SOX5: variants seen among roughly 807,000 people sequenced by gnomAD.
The protein encoded by SOX5 is transcription factor SOX-5.
In SOX5, 9 loss-of-function variants were observed where a neutral mutation model predicts 92.0. The ratio of observed to expected loss-of-function variants is 0.10; its 90% confidence interval spans 0.06 to 0.17. SOX5 has a LOEUF of 0.17. SOX5 is among the 10% of genes least tolerant of loss of function. SOX5 has a pLI of 1.00. For synonymous variants in SOX5, 344 were observed against 336.3 expected (o/e 1.02, Z -0.25); for missense variants, 642 against 944.5 (o/e 0.68, Z 4.20).
chr12:24,464,600 C>A (rs2137535597), intron 1 of SOX5, among the ~76,000 whole-genome samples: 1 of 152,306 alleles, frequency 6.6e-6, no homozygotes, highest in African/African-American at 2.4e-5. Flanking sequence ...CTCGGCCTCC[C>A]AAAGTGCTGG....
At chr12:23,737,638 G>T (rs1355346314) in intron 5 of SOX5, among the ~76,000 whole-genome samples, 1 of 152,088 alleles carries the variant, frequency 6.6e-6, no homozygotes, top group African/African-American at 2.4e-5. Flanking sequence ...ATGCCTGCAA[G>T]GCCCTATATG....
chr12:23,661,741 G>GACT (rs1468796359), intron 7 of SOX5, among the ~76,000 whole-genome samples: 1 of 152,148 alleles, frequency 6.6e-6, no homozygotes, highest in Non-Finnish European at 1.5e-5. Flanking sequence ...GGAGCAAATG[G>GACT]ACTGTGTTCT....
chr12:24,545,754 A>T (rs1354528556), intron 1 of SOX5, among the ~76,000 whole-genome samples: 2 of 152,170 alleles, frequency 1.3e-5, no homozygotes, highest in Non-Finnish European at 2.9e-5. Context: ...GGAAGCTCCC[A>T]GTTCAGTCCC....
intron 1 of SOX5, among the ~76,000 whole-genome samples, chr12:24,474,920 G>A (rs1945199769): frequency 6.6e-6 from 1 of 151,838 alleles, no homozygotes; most frequent in South Asian, 2.1e-4. Context: ...CTCCATCTCA[G>A]CTCACTGCAA....
At chr12:24,524,479 A>T (rs1950534400) in intron 1 of SOX5, among the ~76,000 whole-genome samples, 2 of 152,056 alleles carry the variant, frequency 1.3e-5, no homozygotes, top group Non-Finnish European at 1.5e-5. Context: ...AGAGGTGAAT[A>T]TCTGAAATAT....
At chr12:23,986,192 T>G (rs1950043014) in intron 4 of SOX5, among the ~76,000 whole-genome samples, 1 of 152,174 alleles carries the variant, frequency 6.6e-6, no homozygotes, top group South Asian at 2.1e-4. Context: ...CCAAAGACAT[T>G]ATCAGAGTAA....
chr12:23,881,154 T>C (rs1439254623), intron 2 of SOX5, among the ~76,000 whole-genome samples: 1 of 152,114 alleles, frequency 6.6e-6, no homozygotes, highest in East Asian at 1.9e-4. Flanking sequence ...TGTGCTGCCA[T>C]GTTAATTTAG....
At chr12:23,702,734 CAA>C (rs770056446) in intron 6 of SOX5, among the ~76,000 whole-genome samples, 2 of 151,190 alleles carry the variant, frequency 1.3e-5, no homozygotes, top group Non-Finnish European at 3.0e-5. Flanking sequence ...AGAAATGAAC[CAA>C]AAAGAGAAAC....
intron 3 of SOX5, among the ~76,000 whole-genome samples, chr12:24,218,529 A>G (rs1211315903): frequency 6.6e-6 from 1 of 152,152 alleles, no homozygotes; most frequent in Non-Finnish European, 1.5e-5. Context: ...TCTTTTTGTC[A>G]GATGGAAATA....
intron 8 of SOX5, among the ~76,000 whole-genome samples, chr12:23,622,200 G>A (rs1418452698): frequency 6.6e-6 from 1 of 151,990 alleles, no homozygotes; most frequent in Admixed American, 6.6e-5. Context: ...GTTTTAAAAG[G>A]TTACAGCTGC....
chr12:24,332,880 T>C (rs1385545089), intron 2 of SOX5, among the ~76,000 whole-genome samples: 2 of 151,914 alleles, frequency 1.3e-5, no homozygotes, highest in Non-Finnish European at 1.5e-5. Flanking sequence ...ATACAGAAAA[T>C]AAACATTGTA....
chr12:23,923,360 T>C (rs979266250), intron 1 of SOX5, among the ~76,000 whole-genome samples: 1 of 151,916 alleles, frequency 6.6e-6, no homozygotes, highest in Middle Eastern at 3.4e-3. Context: ...AAGCTAATAA[T>C]TAAAAGAAAT....
chr12:24,538,811 A>C (rs1222344290), intron 1 of SOX5, among the ~76,000 whole-genome samples: 1 of 152,228 alleles, frequency 6.6e-6, no homozygotes, highest in Non-Finnish European at 1.5e-5. Context: ...GGTTAGCAGT[A>C]CTATGACATA....
intron 6 of SOX5, among the ~76,000 whole-genome samples, chr12:23,697,739 G>C (rs1224777134): frequency 6.6e-6 from 1 of 151,816 alleles, no homozygotes; most frequent in African/African-American, 2.4e-5. Context: ...TTAGTAGAGA[G>C]GGGGTTTCAT....
At chr12:24,012,333 C>T (rs1212212221) in intron 4 of SOX5, among the ~76,000 whole-genome samples, 3 of 152,092 alleles carry the variant, frequency 2.0e-5, no homozygotes, top group Non-Finnish European at 4.4e-5. Flanking sequence ...ACAAAGGTAA[C>T]TTACATCAGA....
At chr12:23,816,305 G>A (rs1024684008) in intron 3 of SOX5, among the ~76,000 whole-genome samples, 2 of 151,634 alleles carry the variant, frequency 1.3e-5, no homozygotes, top group Admixed American at 6.6e-5. Flanking sequence ...CACCTCCAGG[G>A]TTCAAGCGAT....
At position 23,804,250 on chromosome 12, in the gene SOX5, T is replaced by G. The variant is rs139745867; in HGVS notation, c.481+41733A>C. ...AACAGAAATATGGGTGGCTGCATCA[T>G]ATTAACGTGAGGTTAACTGATCACA... On this transcript the variant is annotated intron_variant, in intron 3 of 14. Coordinates refer to ENST00000451604, the MANE Select transcript of SOX5 (RefSeq NM_006940.6). 6.6e-5 allele frequency among the ~76,000 whole-genome samples: 10 copies of G among 152,272 alleles called. No individual in the cohort carries two copies. In the East Asian group the frequency reaches 1.5e-3, roughly 24 times the overall value.
At chr12:24,481,749 G>T (rs550299201) in intron 1 of SOX5, among the ~76,000 whole-genome samples, 1 of 152,272 alleles carries the variant, frequency 6.6e-6, no homozygotes, top group Admixed American at 6.5e-5. Flanking sequence ...AAACGTAGAT[G>T]GGGGTGGTCT....
chr12:24,050,387 C>A (rs1318055389), intron 4 of SOX5, among the ~76,000 whole-genome samples: 1 of 152,070 alleles, frequency 6.6e-6, no homozygotes, highest in Non-Finnish European at 1.5e-5. Flanking sequence ...TGAGTGTATA[C>A]CTGTTCATGG....
Sources: gnomAD v4.1 joint callset for allele counts (sites outside exome capture counted in the v4.1 genomes callset) on GRCh38, gnomAD v4.1.1 for gene constraint, MANE v1.5 for transcripts, NCBI Gene and HGNC (gene_info 2026-07-23, HGNC 2026-07-21) for gene names.